The following KCNIP4 variants were observed in gnomAD, a reference collection of about 807,000 sequenced individuals.
KCNIP4 encodes Kv channel-interacting protein 4.
In KCNIP4, 12 loss-of-function variants were observed where a neutral mutation model predicts 34.0. That is an observed-to-expected ratio of 0.35 (90% CI 0.23 to 0.57). The LOEUF (loss-of-function observed/expected upper bound fraction) is 0.57, where lower values mean the gene tolerates loss of function less well. Ranked by LOEUF, KCNIP4 falls within the 20% of genes least tolerant of loss-of-function variation. KCNIP4 has a pLI of 0.83. For synonymous variants in KCNIP4, 124 were observed against 102.2 expected, an observed-to-expected ratio of 1.21 and a Z score of -1.29; for missense variants, 238 against 311.7, an observed-to-expected ratio of 0.76 and a Z score of 1.78.
At chr4:21,153,263 A>G (rs1752886765) in intron 1 of KCNIP4, among the ~76,000 whole-genome samples, 1 of 152,128 alleles carries the variant, frequency 6.6e-6, no homozygotes, top group South Asian at 2.1e-4. Context: ...ACAAAGCAAC[A>G]TATAAAAGTA....
intron 1 of KCNIP4, among the ~76,000 whole-genome samples, chr4:21,910,907 C>T (rs1210497684): frequency 1.3e-5 from 2 of 152,130 alleles, no homozygotes; most frequent in Non-Finnish European, 2.9e-5. Context: ...CTATGATTTA[C>T]CCTAGCTTAG....
chr4:20,814,240 A>G (rs1048985037), intron 3 of KCNIP4, among the ~76,000 whole-genome samples: 2 of 152,190 alleles, frequency 1.3e-5, no homozygotes, highest in African/African-American at 4.8e-5. Context: ...TTGCACATTA[A>G]TGTTTGAGAA....
intron 1 of KCNIP4, among the ~76,000 whole-genome samples, chr4:21,078,300 G>A (rs958296115): frequency 2.6e-5 from 4 of 152,032 alleles, no homozygotes; most frequent in Non-Finnish European, 5.9e-5. Context: ...ATCAGCTTGG[G>A]CTGCTATAAC....
intron 1 of KCNIP4, among the ~76,000 whole-genome samples, chr4:21,239,229 A>G (rs376329209): frequency 7.8e-6 from 1 of 128,544 alleles, no homozygotes; most frequent in Non-Finnish European, 1.8e-5. Flanking sequence ...TTAATTCAAG[A>G]TGGATTAAAG....
In KCNIP4 at chr4:20,749,673, C is replaced by A; in HGVS notation, c.418G>T (p.Val140Leu). The change falls in exon 5 of 9, where the codon GTG (valine) becomes TTG (leucine). Residue 140 changes from valine (V) to leucine (L), a missense_variant. Physicochemically the swap from Val to Leu is conservative, Grantham distance 32. Transcript: ENST00000382152. ...AATCCAGAGCTTACCTCGAAACTCA[C>A]AGCTCCATTGTGGTCTGTATCAAAT... ...NAFDTDHNGA[V>L]SFEDFIKGLS... 2 of 1,604,732 alleles carry A rather than the reference C, an allele frequency of 1.2e-6. No individual in the cohort carries two copies. Among genetic ancestry groups the A allele is most frequent in the South Asian group, 1.1e-5 (1 of 90,162 alleles).
At chr4:21,241,031 T>G (rs959446297) in intron 1 of KCNIP4, among the ~76,000 whole-genome samples, 30 of 152,132 alleles carry the variant, frequency 2.0e-4, no homozygotes, top group African/African-American at 5.3e-4. Context: ...TTAATATATA[T>G]CCTTATTTTG....
At chr4:21,790,767 AG>A (rs1047918865) in intron 1 of KCNIP4, among the ~76,000 whole-genome samples, 1 of 152,068 alleles carries the variant, frequency 6.6e-6, no homozygotes, top group African/African-American at 2.4e-5. Flanking sequence ...ATATCCTTGA[AG>A]GGTGGAATGA....
rs968838136 is a variant in KCNIP4 at position 20,784,246 on chromosome 4, C to T, written c.289-25356G>A. ...TTGCTTGAATTGAAAAGGCACATCA[C>T]GTTCAAGTGCCTCGTTTTTAATATA... On this transcript the variant is annotated intron_variant, in intron 3 of 8. Transcript: ENST00000382152. 5.9e-5 allele frequency among the ~76,000 whole-genome samples: 9 copies of T among 152,236 alleles called. 1 individual carries two copies. The Middle Eastern group carries it at 0.014, about 230-fold the overall frequency.
intron 2 of KCNIP4, among the ~76,000 whole-genome samples, chr4:20,868,994 C>G (rs2011495): frequency 6.6e-6 from 1 of 151,772 alleles, no homozygotes; most frequent in East Asian, 1.9e-4. Context: ...AAGAACATTA[C>G]TGTAAAGAGA....
At chr4:20,955,213 A>G (rs529405169) in intron 1 of KCNIP4, among the ~76,000 whole-genome samples, 1 of 152,214 alleles carries the variant, frequency 6.6e-6, no homozygotes, top group East Asian at 1.9e-4. Flanking sequence ...CTTCTATGCC[A>G]CTTAAACTGT....
chr4:21,428,887 ACT>A (rs563155166), intron 1 of KCNIP4, among the ~76,000 whole-genome samples: 51 of 152,160 alleles, frequency 3.4e-4, no homozygotes, highest in Admixed American at 1.8e-3. Context: ...GTTCCCATAT[ACT>A]CTCTGCCCCC....
chr4:21,024,749 T>G (rs1740379072), intron 1 of KCNIP4, among the ~76,000 whole-genome samples: 1 of 152,206 alleles, frequency 6.6e-6, no homozygotes, highest in South Asian at 2.1e-4. Context: ...GTCAAGATGC[T>G]TAATACAGGG....
intron 1 of KCNIP4, among the ~76,000 whole-genome samples, chr4:20,964,349 G>A (rs1419376206): frequency 6.6e-6 from 1 of 152,158 alleles, no homozygotes; most frequent in African/African-American, 2.4e-5. Context: ...ATTAGATTTT[G>A]ACATGAAGTT....
chr4:21,774,264 C>T (rs11936379), intron 1 of KCNIP4, among the ~76,000 whole-genome samples: 22,600 of 151,992 alleles, frequency 0.15, 5,653 homozygotes, highest in African/African-American at 0.51. Flanking sequence ...AGTATTGGTC[C>T]CCAATCTCTT....
chr4:21,573,829 G>T (rs2109057333), intron 1 of KCNIP4, among the ~76,000 whole-genome samples: 1 of 152,250 alleles, frequency 6.6e-6, no homozygotes. Flanking sequence ...GATAACTAAT[G>T]TTGGAAACTG....
chr4:21,800,950 C>T (rs1284054614), intron 1 of KCNIP4, among the ~76,000 whole-genome samples: 1 of 152,156 alleles, frequency 6.6e-6, no homozygotes, highest in Non-Finnish European at 1.5e-5. Flanking sequence ...CTCCTGCCTT[C>T]TTTAGTCAAA....
chr4:21,501,645 T>A (rs952409050), intron 1 of KCNIP4, among the ~76,000 whole-genome samples: 20 of 149,938 alleles, frequency 1.3e-4, no homozygotes, highest in African/African-American at 4.9e-4. Flanking sequence ...GCAGCAATTA[T>A]GGGCTGTACT....
intron 1 of KCNIP4, among the ~76,000 whole-genome samples, chr4:21,854,741 T>C (rs1388409807): frequency 6.6e-6 from 1 of 152,214 alleles, no homozygotes; most frequent in East Asian, 1.9e-4. Flanking sequence ...GACATCTCTT[T>C]TGGAAACCAG....
intron 1 of KCNIP4, among the ~76,000 whole-genome samples, chr4:21,118,432 C>T (rs1038803665): frequency 6.6e-6 from 1 of 152,162 alleles, no homozygotes; most frequent in Admixed American, 6.5e-5. Flanking sequence ...TTCTAGGTAA[C>T]CTGCCCTCAG....
Sources: allele counts gnomAD v4.1 joint callset (sites outside exome capture counted in the v4.1 genomes callset), GRCh38; gene constraint gnomAD v4.1.1; transcripts MANE v1.5; gene names NCBI Gene and HGNC (gene_info 2026-07-23, HGNC 2026-07-21).